The following DAB1 variants were observed in gnomAD, a reference collection of about 807,000 sequenced individuals.
The protein encoded by DAB1 is DAB adaptor protein 1.
DAB1 carries 15 observed loss-of-function variants against 64.6 expected under a neutral mutation model. That is an observed-to-expected ratio of 0.23 (90% CI 0.16 to 0.36). The LOEUF is 0.36. DAB1 is among the 10% of genes least tolerant of loss of function. The pLI is 1.00. For missense variants in DAB1, 596 were observed against 706.7 expected (o/e 0.84, Z 1.78); for synonymous variants, 235 against 251.9 (o/e 0.93, Z 0.64).
At chr1:57,457,552 A>G (rs562456323) in intron 7 of DAB1, among the ~76,000 whole-genome samples, 1 of 152,186 alleles carries the variant, frequency 6.6e-6, no homozygotes, top group African/African-American at 2.4e-5. Context: ...TCCATTTGGC[A>G]TTCTCAATGT....
At chr1:57,619,021 T>C (rs538274028) in intron 7 of DAB1, among the ~76,000 whole-genome samples, 2 of 152,344 alleles carry the variant, frequency 1.3e-5, no homozygotes, top group African/African-American at 4.8e-5. Flanking sequence ...AGTTAACCTT[T>C]GTAAAACACA....
intron 3 of DAB1, among the ~76,000 whole-genome samples, chr1:58,392,904 G>A (rs1165244416): frequency 6.6e-6 from 1 of 151,990 alleles, no homozygotes; most frequent in East Asian, 1.9e-4. Context: ...TTCTCTCCTG[G>A]CTTTCCTCCT....
At chr1:57,986,557 A>G (rs887421766) in intron 5 of DAB1, among the ~76,000 whole-genome samples, 1 of 152,152 alleles carries the variant, frequency 6.6e-6, no homozygotes, top group Non-Finnish European at 1.5e-5. Flanking sequence ...TAAGACACCC[A>G]TTCTGTCTTC....
intron 3 of DAB1, among the ~76,000 whole-genome samples, chr1:58,413,238 T>TC (rs1416124566): frequency 6.6e-6 from 1 of 152,126 alleles, no homozygotes; most frequent in Admixed American, 6.5e-5. Context: ...ACGAACAGGG[T>TC]CCCCCTTTTG....
At chr1:57,906,742 G>T (rs1331959329) in intron 5 of DAB1, among the ~76,000 whole-genome samples, 3 of 152,132 alleles carry the variant, frequency 2.0e-5, no homozygotes, top group Non-Finnish European at 2.9e-5. Context: ...GTTATGTTAA[G>T]ATTCCAGGTT....
chr1:57,356,291 C>A (rs920750603), intron 1 of DAB1, among the ~76,000 whole-genome samples: 2 of 152,086 alleles, frequency 1.3e-5, no homozygotes, highest in African/African-American at 4.8e-5. Flanking sequence ...AAAGTGGACA[C>A]ATGACTTAAA....
At chr1:58,514,655 C>A (rs1322318709) in intron 2 of DAB1, among the ~76,000 whole-genome samples, 1 of 152,060 alleles carries the variant, frequency 6.6e-6, no homozygotes, top group African/African-American at 2.4e-5. Flanking sequence ...TCATCTGAGA[C>A]AATACTACAA....
intron 4 of DAB1, among the ~76,000 whole-genome samples, chr1:58,280,040 A>G (rs1431984871): frequency 6.6e-6 from 1 of 152,086 alleles, no homozygotes; most frequent in Non-Finnish European, 1.5e-5. Flanking sequence ...TGGGAAGGAA[A>G]GAATTACCTT....
intron 1 of DAB1, among the ~76,000 whole-genome samples, chr1:57,384,126 C>A (rs1681599657): frequency 6.6e-6 from 1 of 152,140 alleles, no homozygotes; most frequent in South Asian, 2.1e-4. Context: ...AAATTGCCAA[C>A]AAGCATTTGA....
chr1:58,379,626 T>A (rs7518838), intron 3 of DAB1, among the ~76,000 whole-genome samples: 12,696 of 152,326 alleles, frequency 0.083, 605 homozygotes, highest in East Asian at 0.22. Context: ...TTTGAATACC[T>A]ATTGGTGCAA....
At chr1:57,986,399 C>T (rs1041030319) in intron 5 of DAB1, among the ~76,000 whole-genome samples, 4 of 152,116 alleles carry the variant, frequency 2.6e-5, no homozygotes, top group African/African-American at 4.8e-5. Flanking sequence ...CAAAAATGTG[C>T]CATCTATGAG....
chr1:57,059,486 A>G (rs1650164444), intron 9 of DAB1, among the ~76,000 whole-genome samples: 2 of 152,084 alleles, frequency 1.3e-5, no homozygotes, highest in Non-Finnish European at 2.9e-5. Flanking sequence ...TTATCCTTGT[A>G]TTTGTCTTTC....
At chr1:57,262,496 C>A (rs915529088) in intron 2 of DAB1, among the ~76,000 whole-genome samples, 2 of 152,210 alleles carry the variant, frequency 1.3e-5, no homozygotes, top group Non-Finnish European at 1.5e-5. Context: ...CACTGAAACC[C>A]ACAGTTTGTC....
intron 3 of DAB1, among the ~76,000 whole-genome samples, chr1:58,464,099 G>A (rs1645271701): frequency 6.6e-6 from 1 of 152,234 alleles, no homozygotes; most frequent in Non-Finnish European, 1.5e-5. Flanking sequence ...GCACACTGCA[G>A]AAATGTGGAA....
chr1:57,331,484 C>T (rs1400278579), intron 1 of DAB1, among the ~76,000 whole-genome samples: 1 of 152,194 alleles, frequency 6.6e-6, no homozygotes, highest in Non-Finnish European at 1.5e-5. Flanking sequence ...GGTTGAAACA[C>T]ATGGCTTCAC....
intron 1 of DAB1, among the ~76,000 whole-genome samples, chr1:57,369,784 G>A (rs1299102147): frequency 5.3e-5 from 8 of 152,232 alleles, no homozygotes; most frequent in East Asian, 1.9e-4. Flanking sequence ...TTAACTCAAG[G>A]CCAGAGACCT....
intron 4 of DAB1, among the ~76,000 whole-genome samples, chr1:58,293,610 T>A (rs555501061): frequency 6.6e-6 from 1 of 152,252 alleles, no homozygotes; most frequent in Non-Finnish European, 1.5e-5. Context: ...GGGTAACCTT[T>A]AGATGACCCA....
At chr1:57,642,882 C>T (rs937869605) in intron 7 of DAB1, among the ~76,000 whole-genome samples, 3 of 152,200 alleles carry the variant, frequency 2.0e-5, no homozygotes, top group African/African-American at 7.2e-5. Context: ...TCCATGAGTT[C>T]TTTGGCAATT....
At chr1:57,011,971 G>T (rs1024771009) in intron 12 of DAB1, among the ~76,000 whole-genome samples, 1 of 152,096 alleles carries the variant, frequency 6.6e-6, no homozygotes, top group African/African-American at 2.4e-5. Context: ...CTTCACAGCT[G>T]GTACTTGATT....
Sources: gnomAD v4.1 joint callset for allele counts (sites outside exome capture counted in the v4.1 genomes callset) on GRCh38, gnomAD v4.1.1 for gene constraint, MANE v1.5 for transcripts, NCBI Gene and HGNC (gene_info 2026-07-23, HGNC 2026-07-21) for gene names.